The following LRRTM4 variants were observed in gnomAD, a reference collection of about 807,000 sequenced individuals.
LRRTM4 encodes leucine rich repeat transmembrane neuronal 4.
Under a neutral mutation model 47.6 loss-of-function variants are expected in LRRTM4, and 25 were observed. The ratio of observed to expected loss-of-function variants is 0.53; its 90% confidence interval spans 0.38 to 0.73. The LOEUF is 0.73. Ranked by LOEUF, LRRTM4 falls within the 30% of genes least tolerant of loss-of-function variation. LRRTM4 has a pLI of 0.00. For missense variants in LRRTM4, 638 were observed against 713.4 expected (o/e 0.89, Z 1.20); for synonymous variants, 311 against 269.5 (o/e 1.15, Z -1.51).
chr2:77,388,098 T>A (rs1355526005), intron 3 of LRRTM4, among the ~76,000 whole-genome samples: 1 of 151,462 alleles, frequency 6.6e-6, no homozygotes, highest in East Asian at 1.9e-4. Context: ...GAGAGTGTGA[T>A]GCAGGACTGA....
At chr2:76,925,129 G>A (rs746142340) in intron 3 of LRRTM4, among the ~76,000 whole-genome samples, 45 of 152,102 alleles carry the variant, frequency 3.0e-4, no homozygotes, top group Non-Finnish European at 5.0e-4. Context: ...TTTACCAGCT[G>A]GCTTTTTGTT....
intron 3 of LRRTM4, among the ~76,000 whole-genome samples, chr2:76,789,895 T>C (rs1674882860): frequency 6.6e-6 from 1 of 152,210 alleles, no homozygotes; most frequent in Non-Finnish European, 1.5e-5. Flanking sequence ...TTTTTATCTC[T>C]AGCTCTCCTT....
rs186237769 is a variant in LRRTM4 at position 77,390,823 on chromosome 2, T to C, written c.1551+127495A>G. ...TTTTCACTAACATTTTTGATGAAAA[T>C]ATATTTCATATACTTTGTAAACAAC... On this transcript the variant is annotated intron_variant, in intron 3 of 3. Coordinates refer to ENST00000409884, the MANE Select transcript of LRRTM4 (RefSeq NM_001134745.3). Among the ~76,000 whole-genome samples, 33 of 151,922 alleles carry C rather than the reference T, an allele frequency of 2.2e-4. No individual in the cohort carries two copies. In the East Asian group the frequency reaches 6.4e-3, roughly 29 times the overall value.
At chr2:76,977,287 T>C (rs539440605) in intron 3 of LRRTM4, among the ~76,000 whole-genome samples, 2 of 151,898 alleles carry the variant, frequency 1.3e-5, no homozygotes, top group South Asian at 4.2e-4. Flanking sequence ...TTTTCATATT[T>C]GAAATGTTTT....
chr2:77,281,996 G>C (rs1676519142), intron 3 of LRRTM4, among the ~76,000 whole-genome samples: 2 of 151,850 alleles, frequency 1.3e-5, no homozygotes, highest in Admixed American at 1.3e-4. Context: ...AGTTTGATAG[G>C]AACAGCATTG....
At chr2:77,118,532 C>G (rs959043959) in intron 3 of LRRTM4, among the ~76,000 whole-genome samples, 1 of 151,798 alleles carries the variant, frequency 6.6e-6, no homozygotes, top group Non-Finnish European at 1.5e-5. Context: ...TGCAACAGTG[C>G]TGAGGTATCA....
At chr2:76,872,473 TCCATAACCCATGTATGG>T (rs923270299) in intron 3 of LRRTM4, among the ~76,000 whole-genome samples, 5 of 151,952 alleles carry the variant, frequency 3.3e-5, no homozygotes, top group Non-Finnish European at 1.5e-5. Flanking sequence ...ATCTCTGGCC[TCCATAACCCATGTATGG>T]CTTTGTCCTC....
At chr2:77,120,739 GA>G (rs1671502000) in intron 3 of LRRTM4, among the ~76,000 whole-genome samples, 1 of 151,688 alleles carries the variant, frequency 6.6e-6, no homozygotes, top group African/African-American at 2.4e-5. Flanking sequence ...TATCTTGGTA[GA>G]AAAACAAAAT....
At chr2:77,021,276 G>C (rs868842960) in intron 3 of LRRTM4, among the ~76,000 whole-genome samples, 1 of 152,080 alleles carries the variant, frequency 6.6e-6, no homozygotes, top group South Asian at 2.1e-4. Flanking sequence ...CTAGGAACTT[G>C]TAAGATGTTG....
chr2:77,011,380 T>C (rs1268855949), intron 3 of LRRTM4, among the ~76,000 whole-genome samples: 6 of 152,038 alleles, frequency 3.9e-5, no homozygotes, highest in Admixed American at 3.3e-4. Context: ...TTGGATAGAA[T>C]ACAGCTGGGA....
At chr2:77,284,665 G>A (rs902367994) in intron 3 of LRRTM4, among the ~76,000 whole-genome samples, 1 of 152,226 alleles carries the variant, frequency 6.6e-6, no homozygotes, top group Admixed American at 6.6e-5. Context: ...CTAGAAGTTA[G>A]TGATGGAGTT....
rs530011831 is a variant in LRRTM4, at chr2:76,909,214, G to C, written c.1552-160298C>G. Among the ~76,000 whole-genome samples, 12 of 152,216 alleles carry C rather than the reference G, an allele frequency of 7.9e-5. No individual in the cohort carries two copies. The East Asian group carries it at 2.3e-3, about 29-fold the overall frequency. ...GCTTATCTACAACTATCTGATCTTTGACAAACCTGAGAAAAACAAGCAATG... is the reference window on the plus strand; with the variant it reads ...GCTTATCTACAACTATCTGATCTTTCACAAACCTGAGAAAAACAAGCAATG... On this transcript the variant is annotated intron_variant, in intron 3 of 3. Transcript: ENST00000409884.
At chr2:76,961,980 T>C (rs1014952134) in intron 3 of LRRTM4, among the ~76,000 whole-genome samples, 4 of 151,210 alleles carry the variant, frequency 2.6e-5, no homozygotes, top group Non-Finnish European at 5.9e-5. Context: ...TATTTCTGGT[T>C]TTCTGAGGGT....
chr2:77,172,893 G>A (rs897758981), intron 3 of LRRTM4, among the ~76,000 whole-genome samples: 19 of 152,154 alleles, frequency 1.2e-4, no homozygotes, highest in Admixed American at 7.9e-4. Flanking sequence ...TTATTTCCAT[G>A]TCATGCTACA....
chr2:77,253,889 C>T (rs1675690301), intron 3 of LRRTM4, among the ~76,000 whole-genome samples: 1 of 152,048 alleles, frequency 6.6e-6, no homozygotes, highest in Non-Finnish European at 1.5e-5. Context: ...AAAGATCTAA[C>T]ATTCATGTTC....
chr2:77,475,394 T>C (rs1392152824), intron 3 of LRRTM4, among the ~76,000 whole-genome samples: 2 of 152,102 alleles, frequency 1.3e-5, no homozygotes, highest in Non-Finnish European at 2.9e-5. Context: ...TCATTTTATA[T>C]TGCTAGATAT....
chr2:76,780,359 C>G (rs564941752), intron 3 of LRRTM4, among the ~76,000 whole-genome samples: 1 of 152,280 alleles, frequency 6.6e-6, no homozygotes, highest in East Asian at 1.9e-4. Context: ...AGAGTGTTTT[C>G]CAACTTGGTT....
rs1331746279 is a variant in LRRTM4, at chr2:77,487,640, T to G, written c.1551+30678A>C. 2.6e-5 allele frequency among the ~76,000 whole-genome samples: 4 copies of G among 152,008 alleles called. No homozygotes were observed. The East Asian group carries it at 5.8e-4, about 22-fold the overall frequency. On this transcript the variant is annotated intron_variant, in intron 3 of 3. Transcript: ENST00000409884. Reference sequence around the variant, plus strand: ...TGGACAGACAGGGGCAGTTCCCCAGTGAAGCCCCACCTTCAGGCCACCAAA... The same window carrying G: ...TGGACAGACAGGGGCAGTTCCCCAGGGAAGCCCCACCTTCAGGCCACCAAA...
At chr2:77,024,207 A>T (rs1678371450) in intron 3 of LRRTM4, among the ~76,000 whole-genome samples, 1 of 152,206 alleles carries the variant, frequency 6.6e-6, no homozygotes, top group Non-Finnish European at 1.5e-5. Context: ...TAATTACGGG[A>T]ATACAATTCC....
Sources: allele counts gnomAD v4.1 joint callset (sites outside exome capture counted in the v4.1 genomes callset), GRCh38; gene constraint gnomAD v4.1.1; transcripts MANE v1.5; gene names NCBI Gene and HGNC (gene_info 2026-07-23, HGNC 2026-07-21).